The following MFAP3L variants were observed in gnomAD, a reference collection of about 807,000 sequenced individuals.
MFAP3L encodes microfibril associated protein 3 like.
MFAP3L carries 5 observed loss-of-function variants against 20.0 expected under a neutral mutation model. The ratio of observed to expected loss-of-function variants is 0.25; its 90% CI spans 0.13 to 0.53. MFAP3L has a LOEUF of 0.53. MFAP3L is among the 20% of genes least tolerant of loss of function. The pLI, the probability that MFAP3L is intolerant of heterozygous loss-of-function variation, is 0.96. For synonymous variants in MFAP3L, 219 were observed against 213.0 expected (o/e 1.03, Z -0.25); for missense variants, 409 against 527.5 (o/e 0.78, Z 2.20).
intron 2 of MFAP3L, among the ~76,000 whole-genome samples, chr4:170,000,005 T>G (rs1738500318): frequency 6.6e-6 from 1 of 152,206 alleles, no homozygotes; most frequent in South Asian, 2.1e-4. Context: ...CTACTGGTTA[T>G]GACAACCAAA....
At chr4:170,024,975 G>A (rs1242071182) in intron 1 of MFAP3L, among the ~76,000 whole-genome samples, 1 of 152,218 alleles carries the variant, frequency 6.6e-6, no homozygotes, top group Non-Finnish European at 1.5e-5. Context: ...AACCCACTAA[G>A]TGGTACTTAT....
At chr4:170,012,839 G>T (rs1427470388) in intron 1 of MFAP3L, among the ~76,000 whole-genome samples, 2 of 152,308 alleles carry the variant, frequency 1.3e-5, no homozygotes, top group East Asian at 3.9e-4. Flanking sequence ...AGACTTGCTG[G>T]ATTGCTGTGA....
At chr4:170,008,914 A>ACGTTTG (rs1451764044) in intron 1 of MFAP3L, among the ~76,000 whole-genome samples, 9 of 152,340 alleles carry the variant, frequency 5.9e-5, no homozygotes, top group African/African-American at 1.9e-4. Flanking sequence ...AATCACGTTT[A>ACGTTTG]CACACTTGCT....
Position 170,006,158 on chromosome 4 carries a change from G to T in MFAP3L, c.-133-148C>A, listed in dbSNP as rs146835971. 305 of 461,830 alleles carry T rather than the reference G, an allele frequency of 6.6e-4. 1 individual carries two copies. Among genetic ancestry groups the T allele is most frequent in the African/African-American group, 5.8e-3 (286 of 49,246 alleles). 28.6% of individuals were successfully genotyped at this position (461,830 alleles called of 1,614,324 possible). The stretch of plus-strand genomic sequence containing the variant: ...GAGGGAGTCTTGCTCTGTTGCCCAG[G>T]CTAGAGTGCAGTGGGGCGATCTTGG... On this transcript the variant is annotated intron_variant, in intron 1 of 2. Coordinates refer to ENST00000361618, the MANE Select transcript of MFAP3L (RefSeq NM_021647.8).
chr4:169,991,622 T>C lies in MFAP3L; in HGVS notation c.986A>G (p.His329Arg), dbSNP rs1737692693. Residue 329 changes from histidine (H) to arginine (R), a missense_variant, in exon 3 of 3, where the codon CAT (histidine) becomes CGT (arginine). Physicochemically the swap from His to Arg is conservative, Grantham distance 29. Transcript: ENST00000361618. This position sits in a 1 kb window ranked among gnomAD's most constrained non-coding sequence, Gnocchi z 4.9. ...CTGTCCACCCTCTTGGTCATCTGCA[T>C]GCTCTTTTTTGGACTGCGGGTGAAC... ...VSVHPQSKKE[H>R]ADDQEGGQFE... is the part of the protein sequence containing the mutation. 4 of 1,614,102 alleles carry C rather than the reference T, an allele frequency of 2.5e-6. No individual in the cohort carries two copies. The African/African-American group carries it at 4.0e-5, about 16-fold the overall frequency.
rs1309482460 is a variant in MFAP3L, at chr4:169,992,321, GAGAGA to G, written c.299-17_299-13del. On this transcript the variant is annotated splice_polypyrimidine_tract_variant and intron_variant, in intron 2 of 2. Coordinates refer to ENST00000361618, the MANE Select transcript of MFAP3L (RefSeq NM_021647.8). The surrounding 1 kb of genome is among the most constrained non-coding windows in gnomAD (Gnocchi z 4.3). ...CATTTGCCATTTTCCTGTCGGAAGG[GAGAGA>G]AGAGAATTCAACCAAGGACACAGAG... 2 of 1,593,436 alleles carry G rather than the reference GAGAGA, an allele frequency of 1.3e-6. No homozygotes were observed. The highest frequency in any genetic ancestry group is 2.2e-5 in the East Asian group (1 of 44,658).
At chr4:170,026,158 C>A (rs1258979025) in intron 1 of MFAP3L, 76 bp downstream of exon 1, 1 of 899,688 alleles carries the variant, frequency 1.1e-6, no homozygotes, top group African/African-American at 1.8e-5. Context: ...CCGGCGCCGA[C>A]TCGGCCGCCG....
rs1460308068 is a variant in MFAP3L at position 169,991,748 on chromosome 4, T to C, written c.860A>G (p.Tyr287Cys). ...CCGCTTCAGAGAGTTGGGGATTGTGTAGACCTCATCCCTGTCTGCGGCCTC... is the reference window on the plus strand; with the variant it reads ...CCGCTTCAGAGAGTTGGGGATTGTGCAGACCTCATCCCTGTCTGCGGCCTC... Reference protein sequence around the residue: ...GQEAADRDEVYTIPNSLKRSD... With the variant: ...GQEAADRDEVCTIPNSLKRSD... Residue 287 changes from tyrosine to cysteine, a missense_variant, in exon 3 of 3, where the codon TAC (tyrosine) becomes TGC (cysteine). Tyr to Cys is a radical substitution (Grantham distance 194, BLOSUM62 -2). Around this residue, in one of 3 missense-constraint regions of MFAP3L, gnomAD observed 169 missense variants for 178.2 expected, o/e 0.95. Transcript: ENST00000361618. This position sits in a 1 kb window ranked among gnomAD's most constrained non-coding sequence, Gnocchi z 4.9. 5 of 1,614,148 alleles carry C rather than the reference T, an allele frequency of 3.1e-6. No individual in the cohort carries two copies. Among genetic ancestry groups the C allele is most frequent in the Non-Finnish European group, 4.2e-6 (5 of 1,180,018 alleles).
Position 169,987,510 on chromosome 4 carries a change from G to C in MFAP3L, c.*3868C>G, listed in dbSNP as rs1390529518. On this transcript the variant is annotated 3_prime_UTR_variant, in exon 3 of 3. Transcript: ENST00000361618. ...ACTGAAAGGAAATCCCCAGTTAAAA[G>C]AACCACAGTGACTGCCACTGAAGAG... 1.3e-5 allele frequency: 2 copies of C among 152,158 alleles called. No homozygotes were observed. The highest frequency in any genetic ancestry group is 2.9e-5 in the Non-Finnish European group (2 of 68,012). The allele number at this position is 152,158 out of a possible 1,614,324, so 9.4% of individuals were successfully genotyped here.
intron 1 of MFAP3L, among the ~76,000 whole-genome samples, chr4:170,024,221 C>A (rs1357779247): frequency 6.6e-6 from 1 of 152,120 alleles, no homozygotes. Context: ...AAGCCAAGGG[C>A]AGTATGTAAG....
At chr4:170,023,705 C>T (rs1740177025) in intron 1 of MFAP3L, among the ~76,000 whole-genome samples, 1 of 152,182 alleles carries the variant, frequency 6.6e-6, no homozygotes, top group South Asian at 2.1e-4. Flanking sequence ...TGCATGATTT[C>T]TAAATTCCAA....
At position 170,005,905 on chromosome 4, in the gene MFAP3L, G is replaced by C; in HGVS notation, c.-28C>G. 3 of 1,601,410 alleles carry C rather than the reference G, an allele frequency of 1.9e-6. No homozygotes were observed. Among genetic ancestry groups the C allele is most frequent in the Non-Finnish European group, 2.6e-6 (3 of 1,171,442 alleles). ...TCTTTGCTTGCTCTGTAAGGCAATA[G>C]AGAGATGGTTTGCCAACCGAATCTT... is the stretch of plus-strand genomic sequence containing the variant. On this transcript the variant is annotated 5_prime_UTR_variant, in exon 2 of 3. Coordinates refer to ENST00000361618, the MANE Select transcript of MFAP3L (RefSeq NM_021647.8).
intron 2 of MFAP3L, among the ~76,000 whole-genome samples, chr4:169,998,457 G>A (rs536928848): frequency 6.6e-6 from 1 of 152,340 alleles, no homozygotes; most frequent in South Asian, 2.1e-4. Context: ...CAGGGAAAGT[G>A]AGAGCACAAC....
At chr4:170,017,075 G>T (rs1033540380) in intron 1 of MFAP3L, among the ~76,000 whole-genome samples, 1 of 152,296 alleles carries the variant, frequency 6.6e-6, no homozygotes. Context: ...AATTCACAGC[G>T]TAGGAACTAG....
chr4:169,992,374 C>A lies in MFAP3L; in HGVS notation c.299-65G>T. 1 of 1,348,174 alleles carries A rather than the reference C, an allele frequency of 7.4e-7. No individual in the cohort carries two copies. Among genetic ancestry groups the A allele is most frequent in the Non-Finnish European group, 1.0e-6 (1 of 975,458 alleles). The allele number at this position is 1,348,174 out of a possible 1,614,324, so 83.5% of individuals were successfully genotyped here. A position where few individuals can be genotyped will look rare whatever the true frequency, so the allele number is the denominator to read the frequency against. The stretch of plus-strand genomic sequence containing the variant: ...GAGCTCCCATGACTACAAACTGATA[C>A]GTTTCTAAGAACATCTATGAACATC... On this transcript the variant is annotated intron_variant, in intron 2 of 2. Transcript: ENST00000361618. The surrounding 1 kb of genome is among the most constrained non-coding windows in gnomAD (Gnocchi z 4.3).
chr4:170,013,988 T>C (rs906747973), intron 1 of MFAP3L, among the ~76,000 whole-genome samples: 1 of 152,216 alleles, frequency 6.6e-6, no homozygotes, highest in Admixed American at 6.5e-5. Flanking sequence ...GGGGCCTTTA[T>C]GCTGCCAGGC....
Position 169,992,411 on chromosome 4 carries a change from T to C in MFAP3L, c.299-102A>G. ...CATCTATGAACATCTATGAAGAACATCTATGAAGTCTATGAACGTCGACTT... is the reference window on the plus strand; with the variant it reads ...CATCTATGAACATCTATGAAGAACACCTATGAAGTCTATGAACGTCGACTT... On this transcript the variant is annotated intron_variant, in intron 2 of 2. Coordinates refer to ENST00000361618, the MANE Select transcript of MFAP3L (RefSeq NM_021647.8). The surrounding 1 kb of genome is among the most constrained non-coding windows in gnomAD (Gnocchi z 4.3). 9.9e-7 allele frequency: 1 copy of C among 1,006,390 alleles called. No homozygotes were observed. The highest frequency in any genetic ancestry group is 1.6e-5 in the African/African-American group (1 of 61,892). 62.3% of individuals were successfully genotyped at this position (1,006,390 alleles called of 1,614,324 possible). A position where few individuals can be genotyped will look rare whatever the true frequency, so the allele number is the denominator to read the frequency against.
At chr4:169,994,189 A>G (rs1737959171) in intron 2 of MFAP3L, 3 of 985,290 alleles carry the variant, frequency 3.0e-6, no homozygotes, top group Non-Finnish European at 3.6e-6. Context: ...GTAGTTTCTC[A>G]TATTTACCTT....
In MFAP3L at chr4:170,005,913, G is replaced by C; in HGVS notation, c.-36C>G. 1 of 1,594,062 alleles carries C rather than the reference G, an allele frequency of 6.3e-7. No individual in the cohort carries two copies. The highest frequency in any genetic ancestry group is 1.1e-5 in the South Asian group (1 of 88,708). On this transcript the variant is annotated 5_prime_UTR_variant, in exon 2 of 3. Coordinates refer to ENST00000361618, the MANE Select transcript of MFAP3L (RefSeq NM_021647.8). Reference sequence around the variant, plus strand: ...TGCTCTGTAAGGCAATAGAGAGATGGTTTGCCAACCGAATCTTCTATCAGA... The same window carrying C: ...TGCTCTGTAAGGCAATAGAGAGATGCTTTGCCAACCGAATCTTCTATCAGA...
Sources: allele counts gnomAD v4.1 joint callset (sites outside exome capture counted in the v4.1 genomes callset), GRCh38; gene constraint gnomAD v4.1.1; regional missense constraint gnomAD v4.1.1; non-coding constraint Gnocchi (gnomAD v3.1); transcripts MANE v1.5; gene names NCBI Gene and HGNC (gene_info 2026-07-23, HGNC 2026-07-21).